Variants in CFAP47 observed in about 807,000 individuals in gnomAD.
CFAP47 encodes the protein cilia and flagella associated protein 47.
Under a neutral mutation model 148.1 loss-of-function variants are expected in CFAP47, and 29 were observed. The observed-to-expected ratio is 0.20, with a 90% CI of 0.15 to 0.27. The LOEUF is 0.27. CFAP47 is among the 10% of genes least tolerant of loss of function. The pLI is 1.00. For synonymous variants in CFAP47, 664 were observed against 577.3 expected, an observed-to-expected ratio of 1.15 and a Z score of -2.15; for missense variants, 1,872 against 1,697.5, an observed-to-expected ratio of 1.10 and a Z score of -1.81.
chrX:36,184,732 G>A (rs191698236), intron 40 of CFAP47, among the ~76,000 whole-genome samples: 4 of 111,595 alleles, frequency 3.6e-5, no homozygotes, highest in African/African-American at 6.5e-5. Flanking sequence ...TCGGGAGTTC[G>A]AGACCAGCCT....
At chrX:36,161,784 T>G (rs774110623) in intron 39 of CFAP47, among the ~76,000 whole-genome samples, 1 of 112,335 alleles carries the variant, frequency 8.9e-6, no homozygotes, top group Non-Finnish European at 1.9e-5. Context: ...TAAAGGATTT[T>G]GGTAATTTCT....
At chrX:36,083,183 T>C (rs1045083184) in intron 29 of CFAP47, among the ~76,000 whole-genome samples, 5 of 110,608 alleles carry the variant, frequency 4.5e-5, no homozygotes, top group African/African-American at 1.6e-4. Flanking sequence ...CCAGCTTGAT[T>C]CAGGAACATT....
At chrX:36,297,121 CTAAT>C (rs1469887470) in intron 51 of CFAP47, among the ~76,000 whole-genome samples, 680 of 111,745 alleles carry the variant, frequency 6.1e-3, no homozygotes, top group African/African-American at 0.021. Context: ...CTGCTCTAAT[CTAAT>C]TGTTAATTTG....
intron 49 of CFAP47, among the ~76,000 whole-genome samples, chrX:36,275,521 CATT>C (rs1437104596): frequency 9.2e-6 from 1 of 108,295 alleles, no homozygotes; most frequent in Non-Finnish European, 1.9e-5. Context: ...AATGACCATT[CATT>C]CATTCTGGAA....
intron 55 of CFAP47, among the ~76,000 whole-genome samples, 151 bp downstream of exon 55, chrX:36,307,027 A>G (rs1556008986): frequency 8.9e-6 from 1 of 111,970 alleles, no homozygotes. Context: ...AAAATAAAAT[A>G]TGCATTATGT....
chrX:35,922,983 C>G (rs1206803031), intron 1 of CFAP47, among the ~76,000 whole-genome samples: 3 of 111,167 alleles, frequency 2.7e-5, no homozygotes, highest in African/African-American at 9.8e-5. Context: ...TAAGACTAGG[C>G]CAGGTACACT....
chrX:36,226,020 G>C (rs1940265991), intron 45 of CFAP47, among the ~76,000 whole-genome samples: 1 of 111,959 alleles, frequency 8.9e-6, no homozygotes, highest in South Asian at 3.7e-4. Context: ...CTGGAAGTTG[G>C]TGTCAAATTC....
At position 35,966,724 on chromosome X, in the gene CFAP47, A is replaced by G; in HGVS notation, c.1570A>G (p.Thr524Ala). Residue 524 changes from threonine (T) to alanine (A), a missense_variant, in exon 9 of 64, where the codon ACC becomes GCC. By Grantham distance (58) the Thr-to-Ala change is moderately conservative (BLOSUM62 0). Coordinates refer to ENST00000378653, the MANE Select transcript of CFAP47 (RefSeq NM_001304548.2). ...TTTCAACAGCATCTGTAAAGCTTCC[A>G]CCAAGAAAGTTGTGATGAAATTTGA... ...LAFNSICKAS[T>A]KKVVMKFDPG... 1 of 1,149,510 alleles carries G rather than the reference A, an allele frequency of 8.7e-7. No individual in the cohort carries two copies. Among genetic ancestry groups the G allele is most frequent in the African/African-American group, 1.8e-5 (1 of 55,065 alleles). The allele number at this position is 1,149,510 out of a possible 1,213,427, so 94.7% of individuals were successfully genotyped here. A position where few individuals can be genotyped will look rare whatever the true frequency, so the allele number is the denominator to read the frequency against.
At chrX:36,368,309 C>A (rs1370916994) in intron 62 of CFAP47, among the ~76,000 whole-genome samples, 1 of 111,383 alleles carries the variant, frequency 9.0e-6, no homozygotes, top group Non-Finnish European at 1.9e-5. Flanking sequence ...AAAACAAATG[C>A]AAAAATGGTA....
rs567192078 is a variant in CFAP47 at position 35,988,245 on chromosome X, A to G, written c.2714-1074A>G. ...CCTATCCTTGGGATTTTAATTGCAT[A>G]AGATAAACTCTTACCTACCTAATCC... On this transcript the variant is annotated intron_variant, in intron 15 of 63. Transcript: ENST00000378653. Among the ~76,000 whole-genome samples the G allele has an allele frequency of 2.7e-5, 3 of 111,722 alleles. No individual in the cohort carries two copies. The Admixed American group carries it at 2.8e-4, about 11-fold the overall frequency.
At chrX:36,251,467 A>G in intron 49 of CFAP47, 23 bp downstream of exon 49, 1 of 472,196 alleles carries the variant, frequency 2.1e-6, no homozygotes. Flanking sequence ...TTAATAAAAT[A>G]TTAGTCATTT....
intron 39 of CFAP47, among the ~76,000 whole-genome samples, chrX:36,171,024 G>A (rs775204830): frequency 9.0e-6 from 1 of 111,163 alleles, no homozygotes; most frequent in Admixed American, 9.5e-5. Context: ...TTGTGGTTTT[G>A]ATTTGCATTT....
intron 45 of CFAP47, among the ~76,000 whole-genome samples, chrX:36,208,907 A>G (rs1940069950): frequency 9.1e-6 from 1 of 110,281 alleles, no homozygotes. Context: ...CGGAGTTTGC[A>G]GTGAGCCGAG....
At chrX:36,061,516 T>A (rs1460984677) in intron 26 of CFAP47, among the ~76,000 whole-genome samples, 1 of 112,035 alleles carries the variant, frequency 8.9e-6, no homozygotes, top group Non-Finnish European at 1.9e-5. Context: ...TAAAATTCTT[T>A]TGTCCCATCA....
intron 22 of CFAP47, among the ~76,000 whole-genome samples, chrX:36,015,528 T>C (rs1427990338): frequency 3.6e-5 from 4 of 111,481 alleles, no homozygotes; most frequent in African/African-American, 1.3e-4. Context: ...AGTTAAATCG[T>C]CATTAATTCT....
Position 36,095,671 on chromosome X carries a change from G to A in CFAP47, c.4917-3122G>A, listed in dbSNP as rs982790505. ...TAGATTTTCCAATTTATAGGTCATC[G>A]TAGCTACTTGTGATCATTTGAATTT... On this transcript the variant is annotated intron_variant, in intron 30 of 63. Coordinates refer to ENST00000378653, the MANE Select transcript of CFAP47 (RefSeq NM_001304548.2). Among the ~76,000 whole-genome samples the A allele has an allele frequency of 7.2e-5, 8 of 110,829 alleles. No individual in the cohort carries two copies. In the South Asian group the frequency reaches 1.9e-3, roughly 26 times the overall value.
intron 29 of CFAP47, among the ~76,000 whole-genome samples, chrX:36,083,747 T>C (rs936700249): frequency 5.4e-5 from 6 of 111,327 alleles, no homozygotes; most frequent in African/African-American, 1.9e-4. Flanking sequence ...TTCTCATAAT[T>C]GAAAAATAAA....
intron 22 of CFAP47, among the ~76,000 whole-genome samples, chrX:36,016,701 C>CTTTTT (rs1281064323): frequency 7.3e-5 from 4 of 54,457 alleles, no homozygotes; most frequent in African/African-American, 1.2e-4. Context: ...TTATGCCAGT[C>CTTTTT]TTTTTTTTTT....
chrX:36,291,397 G>A (rs1194534116), intron 51 of CFAP47, among the ~76,000 whole-genome samples: 5 of 111,457 alleles, frequency 4.5e-5, no homozygotes, highest in Admixed American at 9.5e-5. Context: ...CTTCCTTCTC[G>A]TGTAGGTCTT....
Sources: allele counts gnomAD v4.1 joint callset (sites outside exome capture counted in the v4.1 genomes callset), GRCh38; gene constraint gnomAD v4.1.1; transcripts MANE v1.5; gene names NCBI Gene and HGNC (gene_info 2026-07-23, HGNC 2026-07-21).